The following FAM186A variants were observed in gnomAD, a reference collection of about 807,000 sequenced individuals.
FAM186A encodes protein FAM186A.
A neutral mutation model predicts 216.8 loss-of-function variants in FAM186A; 163 were observed. The ratio of observed to expected loss-of-function variants is 0.75; its 90% CI spans 0.66 to 0.86. The LOEUF is 0.86. Ranked by LOEUF, FAM186A falls within the 40% of genes least tolerant of loss-of-function variation. The pLI, the probability that FAM186A is intolerant of heterozygous loss-of-function variation, is 0.00. For synonymous variants in FAM186A, 805 were observed against 1,025.3 expected (o/e 0.79, Z 4.10); for missense variants, 2,184 against 2,746.2 (o/e 0.80, Z 4.58).
intron 7 of FAM186A, among the ~76,000 whole-genome samples, chr12:50,330,018 A>G (rs978146192): frequency 5.3e-5 from 8 of 152,194 alleles, no homozygotes; most frequent in Admixed American, 1.3e-4. Flanking sequence ...TTAAATAATT[A>G]TCTGTCCTGA....
At position 50,368,978 on chromosome 12, in the gene FAM186A, A is replaced by C. The variant is rs192484027; in HGVS notation, c.193-5614T>G. Among the ~76,000 whole-genome samples the C allele has an allele frequency of 2.8e-3, 420 of 151,424 alleles. 1 individual carries two copies. Among genetic ancestry groups the C allele is most frequent in the South Asian group, 0.016 (77 of 4,806 alleles). Reference sequence around the variant, plus strand: ...AGGACAGTCTTTTAAAAAAAAAAAAAACACACACAAATGTTGGTGGGAAAA... The same window carrying C: ...AGGACAGTCTTTTAAAAAAAAAAAACACACACACAAATGTTGGTGGGAAAA... On this transcript the variant is annotated intron_variant, in intron 1 of 7. Transcript: ENST00000327337.
Position 50,327,424 on chromosome 12 carries a change from AT to A in FAM186A, c.7035-21del. On this transcript the variant is annotated intron_variant, in intron 7 of 7. Coordinates refer to ENST00000327337, the MANE Select transcript of FAM186A (RefSeq NM_001145475.3). ...TTAACCCTGGAAATGAGACAAGAAA[AT>A]TAACCTCATTATAAATTGCTTTAAA... 6.5e-7 allele frequency: 1 copy of A among 1,540,830 alleles called. No homozygotes were observed.
intron 2 of FAM186A, 107 bp downstream of exon 2, chr12:50,363,038 A>T: frequency 1.1e-6 from 1 of 922,220 alleles, no homozygotes; most frequent in Non-Finnish European, 1.6e-6. Flanking sequence ...TAACCTCCTT[A>T]GTCTTTTCTT....
chr12:50,353,884 T>A lies in FAM186A; in HGVS notation c.2948A>T (p.Lys983Ile). The change falls in exon 4 of 8, where the codon AAA (lysine) becomes ATA (isoleucine). Residue 983 changes from lysine to isoleucine, a missense_variant. Around this residue, in one of 7 missense-constraint regions of FAM186A, gnomAD observed 1,132 missense variants for 1,263.4 expected, o/e 0.90. Transcript: ENST00000327337. ...CTTCATCTGCATCTGATCCTTTGTTTTGATCTGCCTTTCGAGGTCCTCTAG... is the reference window on the plus strand; with the variant it reads ...CTTCATCTGCATCTGATCCTTTGTTATGATCTGCCTTTCGAGGTCCTCTAG... ...RGLEDLERQI[K>I]TKDQMQMKET... 1 of 1,551,998 alleles carries A rather than the reference T, an allele frequency of 6.4e-7. No homozygotes were observed. Among genetic ancestry groups the A allele is most frequent in the Non-Finnish European group, 8.7e-7 (1 of 1,147,152 alleles).
chr12:50,348,906 A>G (rs1309054772), intron 4 of FAM186A, among the ~76,000 whole-genome samples: 2 of 152,050 alleles, frequency 1.3e-5, no homozygotes, highest in Non-Finnish European at 2.9e-5. Flanking sequence ...GTGGGTACAT[A>G]GTAGGTATAT....
At chr12:50,345,047 T>G (rs1942799273) in intron 4 of FAM186A, among the ~76,000 whole-genome samples, 1 of 151,886 alleles carries the variant, frequency 6.6e-6, no homozygotes, top group Non-Finnish European at 1.5e-5. Flanking sequence ...AAGTCAGGAG[T>G]TCGAGACCAG....
At chr12:50,386,825 C>T (rs1030685822) in intron 1 of FAM186A, among the ~76,000 whole-genome samples, 57 of 149,838 alleles carry the variant, frequency 3.8e-4, no homozygotes, top group Non-Finnish European at 3.0e-4. Flanking sequence ...TGCAGTGAGC[C>T]GAGATCGTGC....
chr12:50,388,122 G>A (rs948697133), intron 1 of FAM186A, among the ~76,000 whole-genome samples: 3 of 152,044 alleles, frequency 2.0e-5, no homozygotes, highest in East Asian at 1.9e-4. Context: ...GACCTTCAGC[G>A]GCTTTCCCCA....
Position 50,353,579 on chromosome 12 carries a change from T to C in FAM186A, c.3253A>G (p.Ile1085Val), listed in dbSNP as rs940790830. The change falls in exon 4 of 8, where the codon ATC becomes GTC. Residue 1085 changes from isoleucine (I) to valine (V), a missense_variant. Around this residue, in one of 7 missense-constraint regions of FAM186A, gnomAD observed 1,132 missense variants for 1,263.4 expected, o/e 0.90. Transcript: ENST00000327337. Reference protein sequence around the residue: ...LTPQQAQEVGITLTPQQAQAQ... With the variant: ...LTPQQAQEVGVTLTPQQAQAQ... Reference sequence around the variant, plus strand: ...TGGGCCTGCTGAGGAGTGAGTGTGATCCCCACTTCCTGGGCCTGCTGAGGT... The same window carrying C: ...TGGGCCTGCTGAGGAGTGAGTGTGACCCCCACTTCCTGGGCCTGCTGAGGT... 92 of 1,526,052 alleles carry C rather than the reference T, an allele frequency of 6.0e-5. No individual in the cohort carries two copies. The highest frequency in any genetic ancestry group is 4.7e-4 in the Admixed American group (22 of 47,284). The allele number at this position is 1,526,052 out of a possible 1,614,324, so 94.5% of individuals were successfully genotyped here. A position where few individuals can be genotyped will look rare whatever the true frequency, so the allele number is the denominator to read the frequency against.
intron 7 of FAM186A, among the ~76,000 whole-genome samples, chr12:50,327,671 A>G (rs536981043): frequency 2.6e-5 from 4 of 151,698 alleles, no homozygotes; most frequent in African/African-American, 9.7e-5. Context: ...CCTCCCAAGT[A>G]GCAGGGACCA....
At chr12:50,369,999 C>T (rs1943127511) in intron 1 of FAM186A, among the ~76,000 whole-genome samples, 2 of 151,692 alleles carry the variant, frequency 1.3e-5, no homozygotes, top group Non-Finnish European at 2.9e-5. Flanking sequence ...TGGTGGGCGC[C>T]TGTAGTCCCA....
intron 1 of FAM186A, among the ~76,000 whole-genome samples, chr12:50,387,258 CTT>C (rs1335108614): frequency 6.6e-6 from 1 of 152,186 alleles, no homozygotes; most frequent in Non-Finnish European, 1.5e-5. Context: ...AAGACTCCCT[CTT>C]TTGGTTGGAT....
intron 3 of FAM186A, among the ~76,000 whole-genome samples, chr12:50,359,423 G>A (rs1259698503): frequency 6.6e-6 from 1 of 152,130 alleles, no homozygotes; most frequent in Non-Finnish European, 1.5e-5. Flanking sequence ...ACAATAACAA[G>A]TGTTGTTGAG....
chr12:50,335,355 A>G (rs1302766139), intron 4 of FAM186A, among the ~76,000 whole-genome samples: 1 of 152,088 alleles, frequency 6.6e-6, no homozygotes. Flanking sequence ...TAAGACACAT[A>G]GAAGGTAAGG....
intron 1 of FAM186A, among the ~76,000 whole-genome samples, chr12:50,382,996 G>A (rs1943267023): frequency 6.6e-6 from 1 of 151,590 alleles, no homozygotes; most frequent in South Asian, 2.1e-4. Context: ...ACTCTGAATG[G>A]CCAAGGCTGG....
intron 1 of FAM186A, among the ~76,000 whole-genome samples, chr12:50,388,864 C>T (rs1943330399): frequency 6.6e-6 from 1 of 151,288 alleles, no homozygotes; most frequent in Non-Finnish European, 1.5e-5. Context: ...ACCAGCCTGG[C>T]CAACATGGAG....
At chr12:50,368,957 C>A (rs1592623188) in intron 1 of FAM186A, among the ~76,000 whole-genome samples, 1 of 145,290 alleles carries the variant, frequency 6.9e-6, no homozygotes, top group African/African-American at 2.6e-5. Context: ...GAGGAAAGGA[C>A]AGTCTTTTAA....
At chr12:50,391,842 C>G (rs560250800) in intron 1 of FAM186A, among the ~76,000 whole-genome samples, 3 of 152,002 alleles carry the variant, frequency 2.0e-5, no homozygotes, top group Non-Finnish European at 4.4e-5. Flanking sequence ...GTATTTATTC[C>G]AGAGAAATGA....
At chr12:50,384,526 C>G (rs987221744) in intron 1 of FAM186A, among the ~76,000 whole-genome samples, 3 of 152,160 alleles carry the variant, frequency 2.0e-5, no homozygotes, top group African/African-American at 4.8e-5. Flanking sequence ...GGAGGCATCA[C>G]TGTACCTGAT....
Sources: allele counts gnomAD v4.1 joint callset (sites outside exome capture counted in the v4.1 genomes callset), GRCh38; gene constraint gnomAD v4.1.1; regional missense constraint gnomAD v4.1.1; transcripts MANE v1.5; gene names NCBI Gene and HGNC (gene_info 2026-07-23, HGNC 2026-07-21).